SIDT1: variants seen among roughly 807,000 people sequenced by gnomAD.
SIDT1 encodes SID1 transmembrane family member 1, also known as SID1 transmembrane family, member 1.
SIDT1 carries 101 observed loss-of-function variants against 107.5 expected under a neutral mutation model. The observed-to-expected ratio is 0.94, with a 90% confidence interval of 0.80 to 1.11. SIDT1 has a LOEUF of 1.11. SIDT1 is among the 50% of genes least tolerant of loss of function. The pLI is 0.00. For synonymous variants in SIDT1, 395 were observed against 398.2 expected, an observed-to-expected ratio of 0.99 and a Z score of 0.10; for missense variants, 1,076 against 1,058.2, an observed-to-expected ratio of 1.02 and a Z score of -0.23.
chr3:113,576,477 T>G (rs1415846148), intron 3 of SIDT1, among the ~76,000 whole-genome samples: 1 of 152,106 alleles, frequency 6.6e-6, no homozygotes. Context: ...AGGTGACCCA[T>G]TTTGCCATGG....
chr3:113,583,388 A>G, intron 6 of SIDT1, 21 bp from the exon 7 acceptor site: 1 of 1,563,336 alleles, frequency 6.4e-7, no homozygotes, highest in Non-Finnish European at 8.8e-7. Context: ...GCCTATCATA[A>G]GGTTGTTATG....
chr3:113,623,472 C>A lies in SIDT1; in HGVS notation c.2136C>A (p.Tyr712Ter). 17 of 1,614,160 alleles carry A rather than the reference C, an allele frequency of 1.1e-5. No individual in the cohort carries two copies. The highest frequency in any genetic ancestry group is 1.4e-5 in the Non-Finnish European group (17 of 1,180,000). Residue 712 changes from tyrosine (Y) to a stop codon, truncating the protein, a stop_gained, in exon 22 of 25, where the codon TAC becomes TAA. Transcript: ENST00000264852. LOFTEE classifies it high-confidence loss of function. ...LIYRPRDFAS[Y>*]MLGIFICNLL... Reference sequence around the variant, plus strand: ...ACCGCCCCAGGGACTTTGCTTCCTACATGCTGGGCATCTTCATCTGTAACC... The same window carrying A: ...ACCGCCCCAGGGACTTTGCTTCCTAAATGCTGGGCATCTTCATCTGTAACC...
intron 3 of SIDT1, chr3:113,567,928 G>A (rs1942073770): frequency 2.2e-6 from 1 of 458,092 alleles, no homozygotes; most frequent in Non-Finnish European, 3.8e-6. Context: ...GACCTCACAG[G>A]TGAATCTGTT....
chr3:113,546,768 G>A (rs1055528089), intron 1 of SIDT1, among the ~76,000 whole-genome samples: 1 of 152,096 alleles, frequency 6.6e-6, no homozygotes, highest in African/African-American at 2.4e-5. Flanking sequence ...TTTGTTGCTG[G>A]AAGATACCAG....
In SIDT1 at chr3:113,585,266, C is replaced by T. The variant is rs1238025155; in HGVS notation, c.997C>T (p.Leu333=). 3.7e-6 allele frequency: 6 copies of T among 1,606,056 alleles called. No homozygotes were observed. The highest frequency in any genetic ancestry group is 2.2e-5 in the East Asian group (1 of 44,828). The change falls in exon 9 of 25, where the codon CTG becomes TTG. Residue 333 remains leucine, a synonymous_variant. Transcript: ENST00000264852. The part of the protein sequence containing the change: ...GCLLVGFVHY[L]RFQRKSIDGS... ...CCTTCTTGTTGGGTTTGTTCATTAT[C>T]TGAGGTAGGTCAATCTTTTCTAGAA...
intron 1 of SIDT1, among the ~76,000 whole-genome samples, chr3:113,538,323 G>GA (rs1462546292): frequency 6.6e-6 from 1 of 152,198 alleles, no homozygotes; most frequent in Non-Finnish European, 1.5e-5. Flanking sequence ...CTCCAGTTAT[G>GA]GGTCTGATGT....
rs780274946 is a variant in SIDT1, at chr3:113,619,644, A to G, written c.2044-36A>G. ...AGGTTAAAAGAAAAGTAGGCTGTGC[A>G]GCCTCTCATTTGATGTTTTCTTTCC... On this transcript the variant is annotated intron_variant, in intron 20 of 24. Coordinates refer to ENST00000264852, the MANE Select transcript of SIDT1 (RefSeq NM_017699.3). The G allele has an allele frequency of 1.9e-6, 3 of 1,599,466 alleles. No individual in the cohort carries two copies. In the Admixed American group the frequency reaches 5.0e-5, roughly 27 times the overall value.
At chr3:113,601,763 C>A in intron 11 of SIDT1, 104 bp downstream of exon 11, 1 of 708,790 alleles carries the variant, frequency 1.4e-6, no homozygotes, top group Non-Finnish European at 2.4e-6. Flanking sequence ...GGCAAAGCAG[C>A]TATCCTATGA....
intron 3 of SIDT1, among the ~76,000 whole-genome samples, chr3:113,569,894 G>A (rs112909320): frequency 2.0e-4 from 30 of 152,144 alleles, no homozygotes; most frequent in African/African-American, 6.5e-4. Context: ...TCTAAATATG[G>A]TGCTTCAGTT....
chr3:113,547,750 G>C (rs1939759718), intron 1 of SIDT1, among the ~76,000 whole-genome samples: 2 of 151,988 alleles, frequency 1.3e-5, no homozygotes, highest in African/African-American at 4.8e-5. Context: ...TCCCTATTTG[G>C]ACCACTGAAA....
intron 10 of SIDT1, among the ~76,000 whole-genome samples, chr3:113,597,614 A>G (rs1351698782): frequency 2.0e-5 from 3 of 152,128 alleles, no homozygotes; most frequent in Non-Finnish European, 4.4e-5. Flanking sequence ...AACTATAAAT[A>G]TGAAGTCCCT....
At position 113,533,182 on chromosome 3, in the gene SIDT1, G is replaced by C. The variant is rs990344054; in HGVS notation, c.161G>C (p.Gly54Ala). ...RGADFDHVYS[G>A]VVNLSTENIY... Reference sequence around the variant, plus strand: ...GCCGATTTCGATCATGTCTACAGCGGGGTGGTGAACCTCAGCACCGAGAAC... The same window carrying C: ...GCCGATTTCGATCATGTCTACAGCGCGGTGGTGAACCTCAGCACCGAGAAC... The change falls in exon 1 of 25, where the codon GGG becomes GCG. Residue 54 changes from glycine (G) to alanine (A), a missense_variant. Transcript: ENST00000264852. The C allele has an allele frequency of 2.5e-6, 4 of 1,578,432 alleles. No homozygotes were observed. In the African/African-American group the frequency reaches 5.5e-5, roughly 22 times the overall value.
chr3:113,567,486 C>A, intron 2 of SIDT1, 54 bp from the exon 3 acceptor site: 1 of 1,446,188 alleles, frequency 6.9e-7, no homozygotes, highest in Non-Finnish European at 9.4e-7. Flanking sequence ...TGCTCATTCA[C>A]TGAGTCCCTT....
downstream of SIDT1, among the ~76,000 whole-genome samples, chr3:113,630,014 G>A (rs77034811): frequency 4.4e-4 from 67 of 152,326 alleles, no homozygotes; most frequent in African/African-American, 1.6e-3. Context: ...AAGGGCTGGG[G>A]CAGAGGGGAG....
chr3:113,548,950 A>G (rs1939902305), intron 1 of SIDT1, among the ~76,000 whole-genome samples: 1 of 152,104 alleles, frequency 6.6e-6, no homozygotes, highest in Non-Finnish European at 1.5e-5. Context: ...GACCAATTTA[A>G]TTTTCAGGCC....
intron 21 of SIDT1, among the ~76,000 whole-genome samples, chr3:113,622,161 G>A (rs1946499611): frequency 6.6e-6 from 1 of 152,054 alleles, no homozygotes; most frequent in African/African-American, 2.4e-5. Context: ...ATGTGGATGT[G>A]TATTCATCAA....
chr3:113,553,065 C>T (rs748394594), intron 1 of SIDT1, among the ~76,000 whole-genome samples: 5 of 152,188 alleles, frequency 3.3e-5, no homozygotes, highest in Non-Finnish European at 4.4e-5. Context: ...CTGCCATCTA[C>T]CTTCAACCAT....
At chr3:113,588,711 A>T (rs1198586488) in intron 9 of SIDT1, 1 of 152,134 alleles carries the variant, frequency 6.6e-6, no homozygotes, top group Non-Finnish European at 1.5e-5. Flanking sequence ...TGTTCTTCAC[A>T]ATCACATTGC....
chr3:113,598,199 G>A (rs942756558), intron 10 of SIDT1, among the ~76,000 whole-genome samples: 1 of 152,212 alleles, frequency 6.6e-6, no homozygotes, highest in African/African-American at 2.4e-5. Flanking sequence ...ACCAGATCAT[G>A]CTCAGTGATG....
Sources: gnomAD v4.1 joint callset for allele counts (sites outside exome capture counted in the v4.1 genomes callset) on GRCh38, gnomAD v4.1.1 for gene constraint, MANE v1.5 for transcripts, NCBI Gene and HGNC (gene_info 2026-07-23, HGNC 2026-07-21) for gene names.